Variants in FAF1 observed in about 807,000 individuals in gnomAD.
The protein encoded by FAF1 is FAS-associated factor 1.
A neutral mutation model predicts 92.5 loss-of-function variants in FAF1; 25 were observed. That is an observed-to-expected ratio of 0.27 (90% CI 0.20 to 0.38). The LOEUF (loss-of-function observed/expected upper bound fraction) is 0.38, where lower values mean the gene tolerates loss of function less well. Ranked by LOEUF, FAF1 falls within the 10% of genes least tolerant of loss-of-function variation. FAF1 has a pLI of 1.00. For missense variants in FAF1, 636 were observed against 793.3 expected (o/e 0.80, Z 2.38); for synonymous variants, 234 against 273.2 (o/e 0.86, Z 1.42).
At chr1:50,897,909 A>G (rs750340938) in intron 1 of FAF1, among the ~76,000 whole-genome samples, 3 of 152,154 alleles carry the variant, frequency 2.0e-5, no homozygotes, top group Admixed American at 1.3e-4. Context: ...TCTTTGATTT[A>G]TCTGTGATCT....
At chr1:50,883,068 C>G (rs757009044) in intron 1 of FAF1, among the ~76,000 whole-genome samples, 14 of 151,810 alleles carry the variant, frequency 9.2e-5, no homozygotes, top group Non-Finnish European at 1.6e-4. Context: ...TAAATGCCCA[C>G]CAGATTTGAT....
intron 2 of FAF1, among the ~76,000 whole-genome samples, chr1:50,820,019 G>A (rs1361937391): frequency 6.6e-6 from 1 of 151,258 alleles, no homozygotes; most frequent in Non-Finnish European, 1.5e-5. Flanking sequence ...TCCATATGTC[G>A]TTTGTACGTG....
At chr1:50,620,804 G>T (rs1253178984) in intron 8 of FAF1, among the ~76,000 whole-genome samples, 2 of 152,264 alleles carry the variant, frequency 1.3e-5, no homozygotes, top group Non-Finnish European at 2.9e-5. Flanking sequence ...CAGCCACATA[G>T]ATCTTTTGTA....
intron 1 of FAF1, among the ~76,000 whole-genome samples, chr1:50,928,549 C>G: frequency 6.9e-6 from 1 of 144,288 alleles, no homozygotes; most frequent in East Asian, 2.1e-4. Context: ...TTTGGGAGAT[C>G]AAGGTGGGCG....
At chr1:50,924,850 T>C (rs1394073739) in intron 1 of FAF1, among the ~76,000 whole-genome samples, 3 of 152,102 alleles carry the variant, frequency 2.0e-5, no homozygotes, top group Non-Finnish European at 2.9e-5. Context: ...GGGTGTGGTG[T>C]TGGGCACCTG....
chr1:50,938,274 G>A (rs2124751022), intron 1 of FAF1, among the ~76,000 whole-genome samples: 1 of 152,260 alleles, frequency 6.6e-6, no homozygotes, highest in South Asian at 2.1e-4. Context: ...CAAGACAGAC[G>A]TTCCCTGGCC....
intron 1 of FAF1, among the ~76,000 whole-genome samples, chr1:50,959,212 G>C (rs1645295730): frequency 6.6e-6 from 1 of 152,152 alleles, no homozygotes; most frequent in Non-Finnish European, 1.5e-5. Flanking sequence ...CTGTCTCCTT[G>C]TTATCTTCTT....
intron 2 of FAF1, among the ~76,000 whole-genome samples, chr1:50,831,741 T>C (rs1161371253): frequency 1.3e-5 from 2 of 151,298 alleles, no homozygotes; most frequent in East Asian, 3.9e-4. Context: ...AAAGTAAGGA[T>C]TGGGATTACA....
Position 50,438,783 on chromosome 1 carries a change from A to C in FAF1, c.*2657T>G, listed in dbSNP as rs1646146606. 2 of 152,252 alleles carry C rather than the reference A, an allele frequency of 1.3e-5. No homozygotes were observed. Among genetic ancestry groups the C allele is most frequent in the South Asian group, 4.1e-4 (2 of 4,834 alleles). 9.4% of individuals were successfully genotyped at this position (152,252 alleles called of 1,614,324 possible). On this transcript the variant is annotated 3_prime_UTR_variant, in exon 19 of 19. Transcript: ENST00000396153. The stretch of plus-strand genomic sequence containing the variant: ...CAGCAAGTAAAATCTATAAAAGCAT[A>C]AATCTTACTCTCTTATGTTAAAAAG...
intron 15 of FAF1, among the ~76,000 whole-genome samples, chr1:50,518,956 T>C (rs556735015): frequency 6.6e-6 from 1 of 152,310 alleles, no homozygotes; most frequent in African/African-American, 2.4e-5. Context: ...AAAGCTGTGA[T>C]GTGTATTTTA....
intron 1 of FAF1, among the ~76,000 whole-genome samples, chr1:50,919,221 C>T (rs1406462026): frequency 6.6e-6 from 1 of 151,398 alleles, no homozygotes; most frequent in Non-Finnish European, 1.5e-5. Context: ...TCCAGATAAA[C>T]AAAAGCTGAG....
intron 3 of FAF1, among the ~76,000 whole-genome samples, chr1:50,794,491 C>T (rs755655322): frequency 1.3e-4 from 20 of 152,130 alleles, no homozygotes; most frequent in Non-Finnish European, 2.8e-4. Context: ...GAATCATAGG[C>T]AATAGATGGT....
intron 18 of FAF1, among the ~76,000 whole-genome samples, chr1:50,453,971 G>T (rs913869667): frequency 6.6e-6 from 1 of 152,212 alleles, no homozygotes; most frequent in Non-Finnish European, 1.5e-5. Flanking sequence ...TCTAGGACAA[G>T]TCACTTTTTG....
intron 5 of FAF1, among the ~76,000 whole-genome samples, chr1:50,742,143 T>C (rs1391210271): frequency 6.7e-6 from 1 of 149,114 alleles, no homozygotes; most frequent in Non-Finnish European, 1.5e-5. Context: ...ACCCTGTCTC[T>C]ACAAAAATTT....
chr1:50,447,578 A>C (rs1302303535), intron 18 of FAF1, among the ~76,000 whole-genome samples: 1 of 152,182 alleles, frequency 6.6e-6, no homozygotes, highest in African/African-American at 2.4e-5. Context: ...TGCTGATAGC[A>C]CTGTGAGTTG....
chr1:50,714,363 A>T (rs74925851), intron 6 of FAF1, among the ~76,000 whole-genome samples: 1 of 150,816 alleles, frequency 6.6e-6, no homozygotes, highest in Non-Finnish European at 1.5e-5. Context: ...AAAAAAAAAA[A>T]TTAGCTAGGT....
At chr1:50,589,095 A>G (rs1651381372) in intron 9 of FAF1, among the ~76,000 whole-genome samples, 1 of 152,168 alleles carries the variant, frequency 6.6e-6, no homozygotes, top group Admixed American at 6.5e-5. Context: ...AAGGGGCAAG[A>G]TCACCTACTT....
chr1:50,801,490 G>T (rs1661987344), intron 3 of FAF1, 141 bp downstream of exon 3: 3 of 479,706 alleles, frequency 6.3e-6, no homozygotes, highest in Non-Finnish European at 1.1e-5. Flanking sequence ...ATAACACATA[G>T]AAATATCTGA....
chr1:50,762,913 T>C (rs1660388110), intron 4 of FAF1, among the ~76,000 whole-genome samples: 1 of 152,056 alleles, frequency 6.6e-6, no homozygotes, highest in Non-Finnish European at 1.5e-5. Flanking sequence ...ACCTACAAAA[T>C]GGGAGAAAAT....
Sources: gnomAD v4.1 joint callset for allele counts (sites outside exome capture counted in the v4.1 genomes callset) on GRCh38, gnomAD v4.1.1 for gene constraint, MANE v1.5 for transcripts, NCBI Gene and HGNC (gene_info 2026-07-23, HGNC 2026-07-21) for gene names.